The following AGBL4 variants were observed in gnomAD, a reference collection of about 807,000 sequenced individuals.
The protein encoded by AGBL4 is AGBL carboxypeptidase 4.
AGBL4 carries 58 observed loss-of-function variants against 66.4 expected under a neutral mutation model. That is an observed-to-expected ratio of 0.87 (90% CI 0.71 to 1.09). AGBL4 has a LOEUF of 1.09. AGBL4 is among the 50% of genes least tolerant of loss of function. AGBL4 has a pLI of 0.00. For synonymous variants in AGBL4, 234 were observed against 222.9 expected, an observed-to-expected ratio of 1.05 and a Z score of -0.44; for missense variants, 579 against 631.0, an observed-to-expected ratio of 0.92 and a Z score of 0.88.
intron 1 of AGBL4, among the ~76,000 whole-genome samples, chr1:49,953,270 TA>T (rs1656315375): frequency 6.6e-6 from 1 of 151,976 alleles, no homozygotes; most frequent in Admixed American, 6.6e-5. Flanking sequence ...CATTTCCTAA[TA>T]TTTCCAAGAT....
At chr1:48,811,461 T>C (rs1443814103) in intron 6 of AGBL4, among the ~76,000 whole-genome samples, 1 of 152,212 alleles carries the variant, frequency 6.6e-6, no homozygotes, top group East Asian at 1.9e-4. Flanking sequence ...CTTCCTATTT[T>C]TAACTGTTTC....
intron 6 of AGBL4, among the ~76,000 whole-genome samples, chr1:48,763,461 G>A (rs980871522): frequency 6.6e-6 from 1 of 151,938 alleles, no homozygotes; most frequent in Admixed American, 6.6e-5. Context: ...ATCTTGCAAT[G>A]GTGTTTTTTT....
intron 1 of AGBL4, among the ~76,000 whole-genome samples, chr1:49,878,249 C>G (rs371551822): frequency 0.038 from 5,495 of 145,452 alleles, 298 homozygotes; most frequent in African/African-American, 0.13. Flanking sequence ...TAATTGTGAT[C>G]TTAGGGTGTC....
intron 6 of AGBL4, among the ~76,000 whole-genome samples, chr1:48,849,538 T>C (rs1199267484): frequency 2.0e-5 from 3 of 152,244 alleles, no homozygotes; most frequent in Non-Finnish European, 4.4e-5. Flanking sequence ...TGAGTAACAG[T>C]GTTCTAGCTA....
At chr1:49,950,876 G>T (rs1234027003) in intron 1 of AGBL4, among the ~76,000 whole-genome samples, 7 of 151,926 alleles carry the variant, frequency 4.6e-5, no homozygotes, top group African/African-American at 1.7e-4. Flanking sequence ...ATGCGAAAAT[G>T]TAGTAAAATT....
intron 1 of AGBL4, among the ~76,000 whole-genome samples, chr1:49,934,303 A>G (rs1571901074): frequency 6.6e-6 from 1 of 152,130 alleles, no homozygotes; most frequent in Non-Finnish European, 1.5e-5. Flanking sequence ...GACCTAAGAG[A>G]CATATTCAAA....
rs544850454 is a variant in AGBL4 at position 49,856,783 on chromosome 1, G to A, written c.35-5265C>T. 5.3e-5 allele frequency among the ~76,000 whole-genome samples: 8 copies of A among 151,978 alleles called. No individual in the cohort carries two copies. The South Asian group carries it at 1.0e-3, about 20-fold the overall frequency. ...CCCACTGTAACATCATACTGAATAC[G>A]AAAAATCTCAAAGTATTTCCTCTAA... is the stretch of plus-strand genomic sequence containing the variant. On this transcript the variant is annotated intron_variant, in intron 1 of 13. Transcript: ENST00000371839.
intron 2 of AGBL4, among the ~76,000 whole-genome samples, chr1:49,808,438 T>C (rs931114039): frequency 6.6e-6 from 1 of 152,160 alleles, no homozygotes; most frequent in African/African-American, 2.4e-5. Flanking sequence ...ACTTACTTCA[T>C]AAATGCACAG....
Position 49,382,405 on chromosome 1 carries a change from A to G in AGBL4, c.283-136541T>C, listed in dbSNP as rs1199387329. On this transcript the variant is annotated intron_variant, in intron 3 of 13. Transcript: ENST00000371839. ...CCATATTGAAAAAATGAAGGGGGGA[A>G]ACTACACGATCAATTCAGTTGATAG... Among the ~76,000 whole-genome samples, 3 of 152,146 alleles carry G rather than the reference A, an allele frequency of 2.0e-5. 1 individual carries two copies. Among genetic ancestry groups the G allele is most frequent in the African/African-American group, 7.2e-5 (3 of 41,434 alleles).
chr1:49,259,374 G>C (rs1383146215), intron 3 of AGBL4, among the ~76,000 whole-genome samples: 3 of 152,144 alleles, frequency 2.0e-5, no homozygotes, highest in Non-Finnish European at 2.9e-5. Flanking sequence ...ATTGGATAAA[G>C]AGTCAAGACC....
chr1:49,362,031 C>T (rs1644146802), intron 3 of AGBL4, among the ~76,000 whole-genome samples: 1 of 152,138 alleles, frequency 6.6e-6, no homozygotes, highest in African/African-American at 2.4e-5. Flanking sequence ...GTAGATGCCA[C>T]CTTCCTTCCA....
intron 4 of AGBL4, among the ~76,000 whole-genome samples, chr1:49,206,906 G>C (rs2148243096): frequency 6.8e-6 from 1 of 147,792 alleles, no homozygotes; most frequent in South Asian, 2.1e-4. Flanking sequence ...GAGAGGAGAG[G>C]AGAGGAGAGG....
chr1:49,779,905 A>G (rs1308974906), intron 2 of AGBL4, among the ~76,000 whole-genome samples: 2 of 150,314 alleles, frequency 1.3e-5, no homozygotes, highest in Admixed American at 1.3e-4. Flanking sequence ...ACGTTGAAAG[A>G]AAAAGACAAT....
At chr1:48,855,448 G>A (rs12751877) in intron 6 of AGBL4, among the ~76,000 whole-genome samples, 137,417 of 152,260 alleles carry the variant, frequency 0.9, 62,377 homozygotes, top group Non-Finnish European at 0.96. Flanking sequence ...CTTTATTCAG[G>A]TTTAACTAAT....
intron 3 of AGBL4, among the ~76,000 whole-genome samples, chr1:49,410,296 C>T (rs1645290659): frequency 6.6e-6 from 1 of 152,106 alleles, no homozygotes; most frequent in Admixed American, 6.5e-5. Context: ...TCTGCTCACA[C>T]CTGAAGACAA....
chr1:48,762,306 G>C (rs893982979), intron 6 of AGBL4, among the ~76,000 whole-genome samples: 10 of 152,178 alleles, frequency 6.6e-5, no homozygotes, highest in Non-Finnish European at 1.3e-4. Flanking sequence ...CTCAACCTAA[G>C]ATAATCTGTT....
chr1:48,724,670 G>C (rs1447665088), intron 6 of AGBL4, among the ~76,000 whole-genome samples: 1 of 152,090 alleles, frequency 6.6e-6, no homozygotes, highest in Non-Finnish European at 1.5e-5. Context: ...GTGCAGTTTG[G>C]GGGGTATTTC....
intron 1 of AGBL4, among the ~76,000 whole-genome samples, chr1:49,859,222 C>T (rs977480438): frequency 2.6e-5 from 4 of 152,090 alleles, no homozygotes; most frequent in Admixed American, 6.6e-5. Flanking sequence ...ACATTATGAA[C>T]AATGTTAACT....
chr1:49,252,641 G>T (rs373885207), intron 3 of AGBL4, among the ~76,000 whole-genome samples: 4 of 152,134 alleles, frequency 2.6e-5, no homozygotes, highest in East Asian at 1.9e-4. Flanking sequence ...AAAGAAAAAT[G>T]TTAAAGGCAG....
Sources: allele counts gnomAD v4.1 joint callset (sites outside exome capture counted in the v4.1 genomes callset), GRCh38; gene constraint gnomAD v4.1.1; transcripts MANE v1.5; gene names NCBI Gene and HGNC (gene_info 2026-07-23, HGNC 2026-07-21).